PACRG: variants seen among roughly 807,000 people sequenced by gnomAD.
The protein encoded by PACRG is parkin coregulated.
A neutral mutation model predicts 29.7 loss-of-function variants in PACRG; 29 were observed. The observed-to-expected ratio is 0.98, with a 90% CI of 0.73 to 1.33. The LOEUF (loss-of-function observed/expected upper bound fraction) is 1.33, where lower values mean the gene tolerates loss of function less well. Ranked by LOEUF, PACRG falls within the 40% of genes most tolerant of loss-of-function variation. The pLI is 0.00. For synonymous variants in PACRG, 116 were observed against 118.7 expected (o/e 0.98, Z 0.15); for missense variants, 279 against 316.2 (o/e 0.88, Z 0.89).
chr6:162,896,799 T>A (rs1339686028), intron 2 of PACRG, among the ~76,000 whole-genome samples: 1 of 152,236 alleles, frequency 6.6e-6, no homozygotes, highest in East Asian at 1.9e-4. Context: ...GTATATTTGA[T>A]TATTTTGTTT....
chr6:163,017,735 G>A (rs1806239880), intron 2 of PACRG, among the ~76,000 whole-genome samples: 1 of 152,158 alleles, frequency 6.6e-6, no homozygotes, highest in South Asian at 2.1e-4. Context: ...TTCTTCTGAA[G>A]CAGAGGACAA....
chr6:163,168,973 T>C lies in PACRG; in HGVS notation c.613+79565T>C, dbSNP rs575183091. Among the ~76,000 whole-genome samples the C allele has an allele frequency of 2.0e-4, 31 of 152,344 alleles. No homozygotes were observed. In the South Asian group the frequency reaches 5.6e-3, roughly 27 times the overall value. On this transcript the variant is annotated intron_variant, in intron 4 of 4. Transcript: ENST00000366888. Reference sequence around the variant, plus strand: ...ATATTTGAATAAAAGCGACCAGAAGTGAAGCTAATCAATTTAATAACACAT... The same window carrying C: ...ATATTTGAATAAAAGCGACCAGAAGCGAAGCTAATCAATTTAATAACACAT...
chr6:162,878,349 A>T (rs571535020), intron 2 of PACRG, among the ~76,000 whole-genome samples: 1 of 152,366 alleles, frequency 6.6e-6, no homozygotes, highest in East Asian at 1.9e-4. Context: ...TTCTTCACTA[A>T]GTAAAAAAAC....
At chr6:163,122,672 A>G (rs578046916) in intron 4 of PACRG, among the ~76,000 whole-genome samples, 5 of 152,206 alleles carry the variant, frequency 3.3e-5, no homozygotes, top group Non-Finnish European at 7.3e-5. Context: ...TAGCCTGCAG[A>G]ATCGGAAGAC....
In PACRG at chr6:162,921,332, C is replaced by A. The variant is rs138504997; in HGVS notation, c.291+107051C>A. On this transcript the variant is annotated intron_variant, in intron 2 of 4. Transcript: ENST00000366888. ...GCAGGGCAGTAGGGAAAATCCTCTT[C>A]ATGATTCCCTCCAATATCTGTGGTC... Among the ~76,000 whole-genome samples the A allele has an allele frequency of 4.4e-3, 670 of 152,268 alleles. 4 individuals are homozygous for A. Among genetic ancestry groups the A allele is most frequent in the African/African-American group, 0.015 (634 of 41,560 alleles).
chr6:163,308,857 G>A (rs1785294560), intron 4 of PACRG, among the ~76,000 whole-genome samples: 1 of 152,114 alleles, frequency 6.6e-6, no homozygotes, highest in Non-Finnish European at 1.5e-5. Flanking sequence ...AACCCAATCA[G>A]AAGAAAGCCA....
Position 162,897,840 on chromosome 6 carries a change from C to T in PACRG, c.291+83559C>T, listed in dbSNP as rs117695366. Among the ~76,000 whole-genome samples, 6 of 152,284 alleles carry T rather than the reference C, an allele frequency of 3.9e-5. No homozygotes were observed. In the East Asian group the frequency reaches 1.2e-3, roughly 29 times the overall value. The stretch of plus-strand genomic sequence containing the variant: ...GCTGCAGAAAGGGTTTAGCCCTGGA[C>T]CATTCTGGGATGCGTCGTCAAGGCT... On this transcript the variant is annotated intron_variant, in intron 2 of 4. Transcript: ENST00000366888.
intron 2 of PACRG, among the ~76,000 whole-genome samples, chr6:162,914,264 TC>T (rs1354364021): frequency 1.3e-5 from 2 of 152,144 alleles, no homozygotes; most frequent in Non-Finnish European, 2.9e-5. Context: ...TCTATTTTTT[TC>T]CATACAGATA....
At chr6:162,798,457 C>T (rs1218516921) in intron 1 of PACRG, among the ~76,000 whole-genome samples, 1 of 152,166 alleles carries the variant, frequency 6.6e-6, no homozygotes, top group Non-Finnish European at 1.5e-5. Context: ...CTCCTTCCTC[C>T]CACATAGCTT....
intron 2 of PACRG, among the ~76,000 whole-genome samples, chr6:163,037,444 T>C (rs530383331): frequency 5.9e-5 from 9 of 152,326 alleles, no homozygotes; most frequent in African/African-American, 1.9e-4. Flanking sequence ...TTAGAACCTG[T>C]CTTTGGTCTG....
intron 2 of PACRG, among the ~76,000 whole-genome samples, chr6:162,947,435 AT>A (rs1799180595): frequency 3.1e-5 from 2 of 64,218 alleles, no homozygotes; most frequent in African/African-American, 1.0e-4. Flanking sequence ...AATCATATAT[AT>A]AAAATATATA....
intron 3 of PACRG, among the ~76,000 whole-genome samples, chr6:163,075,035 A>G (rs1812417310): frequency 6.6e-6 from 1 of 152,084 alleles, no homozygotes; most frequent in Non-Finnish European, 1.5e-5. Context: ...GAGAGAAGAC[A>G]GAAATAACCA....
intron 1 of PACRG, among the ~76,000 whole-genome samples, chr6:162,739,093 A>G (rs1025751823): frequency 1.3e-5 from 2 of 152,212 alleles, no homozygotes; most frequent in Non-Finnish European, 2.9e-5. Flanking sequence ...TCAAAGTAGT[A>G]TATAAATATT....
intron 4 of PACRG, among the ~76,000 whole-genome samples, chr6:163,153,263 C>A (rs765680616): frequency 3.8e-4 from 58 of 152,142 alleles, no homozygotes; most frequent in Non-Finnish European, 7.2e-4. Flanking sequence ...TATCTCCGAT[C>A]TGATCAATAA....
chr6:163,193,184 G>A (rs1018565364), intron 4 of PACRG, among the ~76,000 whole-genome samples: 6 of 152,130 alleles, frequency 3.9e-5, no homozygotes, highest in Non-Finnish European at 8.8e-5. Flanking sequence ...GGTGGTGATA[G>A]AGTCTAGAAA....
chr6:162,841,338 C>T (rs1034211596), intron 2 of PACRG, among the ~76,000 whole-genome samples: 42 of 150,566 alleles, frequency 2.8e-4, no homozygotes, highest in African/African-American at 8.3e-4. Context: ...GTGTATGTGT[C>T]GAGGAATTTA....
chr6:162,927,527 T>A (rs1797534410), intron 2 of PACRG, among the ~76,000 whole-genome samples: 1 of 152,020 alleles, frequency 6.6e-6, no homozygotes, highest in African/African-American at 2.4e-5. Context: ...CTGGAAGCCA[T>A]CATCCTCAGT....
At chr6:163,292,977 G>A (rs867074641) in intron 4 of PACRG, among the ~76,000 whole-genome samples, 1 of 152,140 alleles carries the variant, frequency 6.6e-6, no homozygotes, top group Non-Finnish European at 1.5e-5. Flanking sequence ...GATAGAAATA[G>A]ATACAGATTG....
At chr6:163,030,844 A>G (rs910697319) in intron 2 of PACRG, among the ~76,000 whole-genome samples, 1 of 152,170 alleles carries the variant, frequency 6.6e-6, no homozygotes, top group Admixed American at 6.5e-5. Context: ...GGTCACTTTC[A>G]TCGCCATCTT....
Sources: allele counts gnomAD v4.1 joint callset (sites outside exome capture counted in the v4.1 genomes callset), GRCh38; gene constraint gnomAD v4.1.1; transcripts MANE v1.5; gene names NCBI Gene and HGNC (gene_info 2026-07-23, HGNC 2026-07-21).